Variants in C18orf32 observed in about 807,000 individuals in gnomAD.
C18orf32 encodes chromosome 18 open reading frame 32.
C18orf32 carries 5 observed loss-of-function variants against 7.4 expected under a neutral mutation model. The observed-to-expected ratio is 0.68, with a 90% CI of 0.35 to 1.42. C18orf32 has a LOEUF of 1.42. Ranked by LOEUF, C18orf32 falls within the 40% of genes most tolerant of loss-of-function variation. C18orf32 has a pLI of 0.04. For synonymous variants in C18orf32, 30 were observed against 29.3 expected (o/e 1.02, Z -0.08); for missense variants, 88 against 92.4 (o/e 0.95, Z 0.19).
chr18:49,484,167 T>TACAC (rs72071720), intron 1 of C18orf32, among the ~76,000 whole-genome samples: 107 of 93,806 alleles, frequency 1.1e-3, no homozygotes, highest in Middle Eastern at 0.014. Flanking sequence ...TATATATATA[T>TACAC]ACACACACAC....
At chr18:49,486,072 C>A (rs1048015750) in intron 1 of C18orf32, 4 of 138,862 alleles carry the variant, frequency 2.9e-5, no homozygotes, top group South Asian at 2.3e-4. Flanking sequence ...CAGAGGCAGA[C>A]CCTGTCTCAA....
rs1472587787 is a variant in C18orf32 at position 49,482,150 on chromosome 18, G to GA, written c.*194dup. On this transcript the variant is annotated 3_prime_UTR_variant, in exon 3 of 3. Transcript: ENST00000318240. ...CTACATTAACGAAAAAGGAACTTAG[G>GA]AATGAGGTCATTAAATATAACTAAC... 3.7e-6 allele frequency: 2 copies of GA among 540,174 alleles called. No individual in the cohort carries two copies. The highest frequency in any genetic ancestry group is 3.9e-5 in the African/African-American group (2 of 51,258). 33.5% of individuals were successfully genotyped at this position (540,174 alleles called of 1,614,324 possible). A position where few individuals can be genotyped will look rare whatever the true frequency, so the allele number is the denominator to read the frequency against.
rs1270207440 is a variant in C18orf32 at position 49,480,965 on chromosome 18, C to A, written c.*1380G>T. 29 of 145,798 alleles carry A rather than the reference C, an allele frequency of 2.0e-4. No homozygotes were observed. The highest frequency in any genetic ancestry group is 6.1e-4 in the African/African-American group (24 of 39,152). The allele number at this position is 145,798 out of a possible 1,614,324, so 9.0% of individuals were successfully genotyped here. A position where few individuals can be genotyped will look rare whatever the true frequency, so the allele number is the denominator to read the frequency against. On this transcript the variant is annotated 3_prime_UTR_variant, in exon 3 of 3. Transcript: ENST00000318240. Reference sequence around the variant, plus strand: ...ACAAAAACAAACCATACAACAACAACAACAAAAAAACAATTGGTTACCTCT... The same window carrying A: ...ACAAAAACAAACCATACAACAACAAAAACAAAAAAACAATTGGTTACCTCT...
chr18:49,483,810 G>C, intron 1 of C18orf32, 39 bp from the exon 2 acceptor site: 5 of 1,571,232 alleles, frequency 3.2e-6, no homozygotes, highest in Non-Finnish European at 4.3e-6. Flanking sequence ...GTTCATCACA[G>C]ATTAGTAACT....
chr18:49,484,744 C>CTCAA (rs1008341975), intron 1 of C18orf32: 3 of 152,074 alleles, frequency 2.0e-5, no homozygotes, highest in African/African-American at 7.2e-5. Context: ...TCATTTAATC[C>CTCAA]TCAATCAGTG....
intron 2 of C18orf32, 75 bp downstream of exon 2, chr18:49,483,509 C>T: frequency 6.8e-7 from 1 of 1,472,500 alleles, no homozygotes; most frequent in Non-Finnish European, 9.0e-7. Context: ...AAAACTTGTC[C>T]TTCCAAAATC....
At chr18:49,485,986 G>A (rs978485359) in intron 1 of C18orf32, 1 of 151,310 alleles carries the variant, frequency 6.6e-6, no homozygotes, top group Non-Finnish European at 1.5e-5. Context: ...AGCTGAGGAA[G>A]GAGAGAACCG....
rs1370339984 is a variant in C18orf32 at position 49,481,061 on chromosome 18, T to G, written c.*1284A>C. 6.6e-6 allele frequency: 1 copy of G among 152,228 alleles called. No individual in the cohort carries two copies. The highest frequency in any genetic ancestry group is 1.9e-4 in the East Asian group (1 of 5,202). 9.4% of individuals were successfully genotyped at this position (152,228 alleles called of 1,614,324 possible). A position where few individuals can be genotyped will look rare whatever the true frequency, so the allele number is the denominator to read the frequency against. On this transcript the variant is annotated 3_prime_UTR_variant, in exon 3 of 3. Transcript: ENST00000318240. Reference sequence around the variant, plus strand: ...TTTCATTTAGGATCCTCTTGCATTGTTGTACTGTAAATATCTGTTATTTTT... The same window carrying G: ...TTTCATTTAGGATCCTCTTGCATTGGTGTACTGTAAATATCTGTTATTTTT...
chr18:49,482,200 T>C lies in C18orf32; in HGVS notation c.*145A>G. 1.5e-6 allele frequency: 1 copy of C among 675,162 alleles called. No individual in the cohort carries two copies. The allele number at this position is 675,162 out of a possible 1,614,324, so 41.8% of individuals were successfully genotyped here. A position where few individuals can be genotyped will look rare whatever the true frequency, so the allele number is the denominator to read the frequency against. ...CTACATTTTAAATACGGATATCATA[T>C]ATTTCCTGATTAGTATCAGGTAAAT... On this transcript the variant is annotated 3_prime_UTR_variant, in exon 3 of 3. Transcript: ENST00000318240.
In C18orf32 at chr18:49,481,260, G is replaced by A. The variant is rs1399990407; in HGVS notation, c.*1085C>T. The A allele has an allele frequency of 6.6e-6, 1 of 152,052 alleles. No homozygotes were observed. Among genetic ancestry groups the A allele is most frequent in the East Asian group, 1.9e-4 (1 of 5,196 alleles). 9.4% of individuals were successfully genotyped at this position (152,052 alleles called of 1,614,324 possible). A position where few individuals can be genotyped will look rare whatever the true frequency, so the allele number is the denominator to read the frequency against. ...ACAGAACTTAATAGAGCCTGAGTTA[G>A]GACCCAGACTTCATTAGGGACCCAA... On this transcript the variant is annotated 3_prime_UTR_variant, in exon 3 of 3. Coordinates refer to ENST00000318240, the MANE Select transcript of C18orf32 (RefSeq NM_001035005.4).
chr18:49,482,941 G>A (rs986795523), intron 2 of C18orf32, among the ~76,000 whole-genome samples: 1 of 151,592 alleles, frequency 6.6e-6, no homozygotes, highest in Admixed American at 6.6e-5. Context: ...TGAGATTACA[G>A]GTGCCCACCA....
chr18:49,483,476 A>G, intron 2 of C18orf32, 108 bp downstream of exon 2: 1 of 1,352,636 alleles, frequency 7.4e-7, no homozygotes, highest in South Asian at 1.5e-5. Flanking sequence ...AATGTTACAC[A>G]AACTATTGAA....
In C18orf32 at chr18:49,479,575, A is replaced by G. The variant is rs1178821937; in HGVS notation, c.*2770T>C. ...AGAAATACCACCACCCCTGGGCCCA[A>G]AAGGGCAGGGTGAAGGACAGGTTAG... On this transcript the variant is annotated 3_prime_UTR_variant, in exon 3 of 3. Coordinates refer to ENST00000318240, the MANE Select transcript of C18orf32 (RefSeq NM_001035005.4). The G allele has an allele frequency of 6.6e-6, 1 of 152,368 alleles. No individual in the cohort carries two copies. The highest frequency in any genetic ancestry group is 6.5e-5 in the Admixed American group (1 of 15,278). 9.4% of individuals were successfully genotyped at this position (152,368 alleles called of 1,614,324 possible).
rs2083648053 is a variant in C18orf32 at position 49,480,022 on chromosome 18, G to T, written c.*2323C>A. On this transcript the variant is annotated 3_prime_UTR_variant, in exon 3 of 3. Coordinates refer to ENST00000318240, the MANE Select transcript of C18orf32 (RefSeq NM_001035005.4). ...ATTATGGGAAACAATGTCTGAAGTT[G>T]ATGGCTCAAAATATAACAGTATAGC... is the stretch of plus-strand genomic sequence containing the variant. 1.3e-5 allele frequency: 2 copies of T among 152,372 alleles called. No homozygotes were observed. Among genetic ancestry groups the T allele is most frequent in the Admixed American group, 6.5e-5 (1 of 15,302 alleles). 9.4% of individuals were successfully genotyped at this position (152,372 alleles called of 1,614,324 possible).
chr18:49,482,570 T>C (rs910722432), intron 2 of C18orf32, among the ~76,000 whole-genome samples, 160 bp from the exon 3 acceptor site: 3 of 151,726 alleles, frequency 2.0e-5, no homozygotes, highest in Admixed American at 2.0e-4. Flanking sequence ...CTACTAAAAA[T>C]ACAAAAATTA....
Position 49,483,781 on chromosome 18 carries a change from T to C in C18orf32, c.-23-10A>G. 9 of 1,582,654 alleles carry C rather than the reference T, an allele frequency of 5.7e-6. No homozygotes were observed. The highest frequency in any genetic ancestry group is 7.7e-6 in the Non-Finnish European group (9 of 1,172,144). ...AGCTTGAGCTCCTCAACTGTTGATA[T>C]ATGTGAAGAAAAAAATTAGTTCATC... is the stretch of plus-strand genomic sequence containing the variant. On this transcript the variant is annotated splice_polypyrimidine_tract_variant and intron_variant, in intron 1 of 2. Coordinates refer to ENST00000318240, the MANE Select transcript of C18orf32 (RefSeq NM_001035005.4).
chr18:49,483,166 G>A (rs549535083), intron 2 of C18orf32, among the ~76,000 whole-genome samples: 16 of 152,178 alleles, frequency 1.1e-4, no homozygotes, highest in African/African-American at 3.4e-4. Context: ...GAAACGGGCC[G>A]GATGGCTAAA....
intron 1 of C18orf32, among the ~76,000 whole-genome samples, chr18:49,484,165 T>TAC (rs1294205830): frequency 6.4e-4 from 56 of 88,080 alleles, no homozygotes; most frequent in African/African-American, 7.5e-4. Flanking sequence ...TATATATATA[T>TAC]ATACACACAC....
intron 1 of C18orf32, chr18:49,486,360 TTG>T (rs1247836028): frequency 6.6e-6 from 1 of 152,216 alleles, no homozygotes; most frequent in Non-Finnish European, 1.5e-5. Context: ...ACTTCTGCAA[TTG>T]TGTTTTAAGT....
Sources: gnomAD v4.1 joint callset for allele counts (sites outside exome capture counted in the v4.1 genomes callset) on GRCh38, gnomAD v4.1.1 for gene constraint, MANE v1.5 for transcripts, NCBI Gene and HGNC (gene_info 2026-07-23, HGNC 2026-07-21) for gene names.